Variants in LAMP3 observed in about 807,000 individuals in gnomAD.
LAMP3 encodes the protein lysosome-associated membrane glycoprotein 3.
LAMP3 carries 26 observed loss-of-function variants against 34.8 expected under a neutral mutation model. That is an observed-to-expected ratio of 0.75 (90% CI 0.55 to 1.04). The LOEUF (loss-of-function observed/expected upper bound fraction) is 1.04, where lower values mean the gene tolerates loss of function less well. LAMP3 is among the 50% of genes least tolerant of loss of function. The probability of loss-of-function intolerance (pLI) is 0.00; values close to 1 mark genes in which losing one functional copy is unlikely to be tolerated. For missense variants in LAMP3, 495 were observed against 524.0 expected (o/e 0.94, Z 0.54); for synonymous variants, 180 against 201.9 (o/e 0.89, Z 0.92).
chr3:183,155,816 C>A (rs151189624), intron 1 of LAMP3, among the ~76,000 whole-genome samples: 64 of 152,082 alleles, frequency 4.2e-4, no homozygotes, highest in South Asian at 1.7e-3. Flanking sequence ...ATGGGTCGAA[C>A]GAAAAAATGA....
chr3:183,152,594 A>G, intron 2 of LAMP3, 91 bp from the exon 3 acceptor site: 3 of 1,202,586 alleles, frequency 2.5e-6, no homozygotes, highest in Non-Finnish European at 3.4e-6. Flanking sequence ...TGAGCCTGAA[A>G]CTTAAGGCTG....
intron 4 of LAMP3, among the ~76,000 whole-genome samples, chr3:183,136,220 G>A (rs533398766): frequency 9.2e-5 from 14 of 152,222 alleles, no homozygotes; most frequent in South Asian, 6.2e-4. Flanking sequence ...ACAGAGAGGC[G>A]CCTCCAAAAT....
chr3:183,156,833 T>C (rs779030513), intron 1 of LAMP3, among the ~76,000 whole-genome samples: 1 of 152,076 alleles, frequency 6.6e-6, no homozygotes, highest in African/African-American at 2.4e-5. Context: ...CTGGTCAAAG[T>C]TGGGGCGGAG....
At chr3:183,163,200 C>A (rs1044401223), upstream of LAMP3, among the ~76,000 whole-genome samples, 1 of 151,888 alleles carries the variant, frequency 6.6e-6, no homozygotes, top group African/African-American at 2.4e-5. Flanking sequence ...TCGTGATTCG[C>A]CCGCCTCGAC....
intron 3 of LAMP3, among the ~76,000 whole-genome samples, chr3:183,147,567 C>A (rs1720485103): frequency 6.6e-6 from 1 of 151,740 alleles, no homozygotes; most frequent in Admixed American, 6.6e-5. Flanking sequence ...TGATCTTCAT[C>A]AAAACTGGTA....
intron 5 of LAMP3, among the ~76,000 whole-genome samples, chr3:183,130,316 G>A (rs1315466330): frequency 2.0e-5 from 3 of 151,742 alleles, no homozygotes; most frequent in Admixed American, 2.0e-4. Flanking sequence ...CTGCCACCAC[G>A]CCTGGCTAAT....
intron 5 of LAMP3, among the ~76,000 whole-genome samples, chr3:183,134,312 G>A (rs796886238): frequency 2.2e-3 from 78 of 36,182 alleles, no homozygotes; most frequent in African/African-American, 7.6e-3. Flanking sequence ...AGTTAATGAT[G>A]GTTTTAAGAA....
chr3:183,131,219 T>G (rs1311860938), intron 5 of LAMP3, among the ~76,000 whole-genome samples: 1 of 152,198 alleles, frequency 6.6e-6, no homozygotes, highest in Non-Finnish European at 1.5e-5. Flanking sequence ...GTCATATCCC[T>G]CTATACTTGA....
chr3:183,143,922 A>C (rs1720362933), intron 3 of LAMP3, among the ~76,000 whole-genome samples: 1 of 152,050 alleles, frequency 6.6e-6, no homozygotes, highest in Non-Finnish European at 1.5e-5. Context: ...CTGTGGGTCC[A>C]CCAACATGTC....
At chr3:183,133,427 T>C (rs1246412683) in intron 5 of LAMP3, among the ~76,000 whole-genome samples, 4 of 152,222 alleles carry the variant, frequency 2.6e-5, no homozygotes, top group Non-Finnish European at 2.9e-5. Flanking sequence ...CAATCTCGGC[T>C]CACTGCAACC....
In LAMP3 at chr3:183,148,874, G is replaced by A. The variant is rs115399877; in HGVS notation, c.888+3501C>T. Among the ~76,000 whole-genome samples, 671 of 152,222 alleles carry A rather than the reference G, an allele frequency of 4.4e-3. 8 individuals are homozygous for A. The highest frequency in any genetic ancestry group is 0.015 in the African/African-American group (621 of 41,528). ...CCCAAAGAAAGAAAATCAGTATATCGAAGCGATCTGCTCTCCCACATCCAT... is the reference window on the plus strand; with the variant it reads ...CCCAAAGAAAGAAAATCAGTATATCAAAGCGATCTGCTCTCCCACATCCAT... On this transcript the variant is annotated intron_variant, in intron 3 of 5. Transcript: ENST00000265598.
chr3:183,131,872 A>G, intron 5 of LAMP3: 2 of 935,816 alleles, frequency 2.1e-6, no homozygotes, highest in Middle Eastern at 5.5e-4. Flanking sequence ...TAACATCCTA[A>G]GCCATATTTT....
At chr3:183,124,769 T>A (rs917669049) in intron 5 of LAMP3, among the ~76,000 whole-genome samples, 4 of 151,278 alleles carry the variant, frequency 2.6e-5, no homozygotes, top group Non-Finnish European at 5.9e-5. Context: ...GAGGCAGAGG[T>A]TGCGGTGAGC....
At chr3:183,133,725 A>G (rs3821520) in intron 5 of LAMP3, among the ~76,000 whole-genome samples, 15,823 of 152,266 alleles carry the variant, frequency 0.1, 935 homozygotes, top group East Asian at 0.17. Context: ...ATAAACAGCA[A>G]AAGAAAAGGA....
chr3:183,158,991 T>G (rs1720901027), intron 1 of LAMP3, among the ~76,000 whole-genome samples: 1 of 152,028 alleles, frequency 6.6e-6, no homozygotes, highest in Non-Finnish European at 1.5e-5. Context: ...CTCAGCTTCC[T>G]GGGTTCAAGC....
At chr3:183,152,616 G>A in intron 2 of LAMP3, 113 bp from the exon 3 acceptor site, 1 of 951,308 alleles carries the variant, frequency 1.1e-6, no homozygotes. Context: ...GGATTCGCTG[G>A]AGAACTGCAA....
Position 183,140,611 on chromosome 3 carries a change from G to A in LAMP3, c.889-16C>T. On this transcript the variant is annotated splice_polypyrimidine_tract_variant and intron_variant, in intron 3 of 5. Coordinates refer to ENST00000265598, the MANE Select transcript of LAMP3 (RefSeq NM_014398.4). ...ATTCTTCATCCTGTAAAACAGTAGG[G>A]TGTTAACCTTTGGGTTATCTCTACT... is the stretch of plus-strand genomic sequence containing the variant. 6.4e-7 allele frequency: 1 copy of A among 1,551,490 alleles called. No individual in the cohort carries two copies. Among genetic ancestry groups the A allele is most frequent in the Admixed American group, 1.7e-5 (1 of 59,386 alleles).
At chr3:183,162,920 C>G, upstream of LAMP3, 1 of 479,168 alleles carries the variant, frequency 2.1e-6, no homozygotes, top group South Asian at 3.4e-5. Flanking sequence ...GTCCCGGCAG[C>G]GCCGGCCTCC....
At chr3:183,149,425 G>C (rs973928500) in intron 3 of LAMP3, among the ~76,000 whole-genome samples, 6 of 150,928 alleles carry the variant, frequency 4.0e-5, no homozygotes, top group African/African-American at 1.5e-4. Flanking sequence ...CTGTAGTGTA[G>C]TCCCAGCTAC....
Sources: gnomAD v4.1 joint callset for allele counts (sites outside exome capture counted in the v4.1 genomes callset) on GRCh38, gnomAD v4.1.1 for gene constraint, MANE v1.5 for transcripts, NCBI Gene and HGNC (gene_info 2026-07-23, HGNC 2026-07-21) for gene names.